PTPN4: variants seen among roughly 807,000 people sequenced by gnomAD.
PTPN4 encodes the protein protein tyrosine phosphatase non-receptor type 4.
PTPN4 carries 49 observed loss-of-function variants against 135.5 expected under a neutral mutation model. The observed-to-expected ratio is 0.36, with a 90% CI of 0.29 to 0.46. PTPN4 has a LOEUF of 0.46. PTPN4 is among the 20% of genes least tolerant of loss of function. PTPN4 has a pLI of 1.00. For synonymous variants in PTPN4, 333 were observed against 369.9 expected (o/e 0.90, Z 1.14); for missense variants, 860 against 1,101.0 (o/e 0.78, Z 3.10).
At chr2:119,876,940 T>TGTGTGTGTGC (rs1182103102) in intron 3 of PTPN4, among the ~76,000 whole-genome samples, 17 of 148,592 alleles carry the variant, frequency 1.1e-4, no homozygotes, top group South Asian at 4.2e-4. Context: ...TGTGTGTGTG[T>TGTGTGTGTGC]GCGTGAAGGG....
chr2:119,762,491 A>G (rs1468188130), intron 1 of PTPN4, among the ~76,000 whole-genome samples: 2 of 152,128 alleles, frequency 1.3e-5, no homozygotes, highest in African/African-American at 2.4e-5. Context: ...TACAAACTCT[A>G]AAAGCGGGAT....
rs1263545770 is a variant in PTPN4 at position 119,844,290 on chromosome 2, C to CA, written c.139-18245dup. ...TGGCCGGGCGGAGGGCTCACCCCCC[C>CA]ACCTCCCTCCCGGACGGGGCGGCTG... is the stretch of plus-strand genomic sequence containing the variant. On this transcript the variant is annotated intron_variant, in intron 2 of 26. Coordinates refer to ENST00000263708, the MANE Select transcript of PTPN4 (RefSeq NM_002830.4). 6.4e-5 allele frequency among the ~76,000 whole-genome samples: 9 copies of CA among 140,456 alleles called. 1 individual carries two copies. The highest frequency in any genetic ancestry group is 1.3e-4 in the African/African-American group (5 of 37,782). 92.1% of individuals were successfully genotyped at this position (140,456 alleles called of 152,430 possible).
intron 1 of PTPN4, among the ~76,000 whole-genome samples, chr2:119,765,356 GTTTT>G (rs766237675): frequency 1.3e-5 from 2 of 152,158 alleles, no homozygotes; most frequent in Non-Finnish European, 2.9e-5. Flanking sequence ...TTGTTAAGCG[GTTTT>G]TTGTTTATTT....
chr2:119,933,544 G>T (rs910507578), intron 14 of PTPN4, among the ~76,000 whole-genome samples: 1 of 151,642 alleles, frequency 6.6e-6, no homozygotes, highest in Non-Finnish European at 1.5e-5. Context: ...GCTGAGCATG[G>T]TGGCGTGCAC....
At chr2:119,799,409 C>A (rs1574340223) in intron 1 of PTPN4, among the ~76,000 whole-genome samples, 1 of 152,112 alleles carries the variant, frequency 6.6e-6, no homozygotes, top group East Asian at 1.9e-4. Flanking sequence ...TTAATGATAA[C>A]CCTTGTTAAG....
intron 2 of PTPN4, among the ~76,000 whole-genome samples, chr2:119,826,045 C>G (rs1677141628): frequency 6.6e-6 from 1 of 152,086 alleles, no homozygotes; most frequent in Non-Finnish European, 1.5e-5. Context: ...GCTTTTCCAC[C>G]TCAATTTTAT....
intron 10 of PTPN4, among the ~76,000 whole-genome samples, chr2:119,904,334 C>T (rs1232165176): frequency 6.6e-6 from 1 of 151,822 alleles, no homozygotes; most frequent in Non-Finnish European, 1.5e-5. Flanking sequence ...TTTCTGAACC[C>T]GAAGACAGGT....
chr2:119,785,260 A>G (rs116778480), intron 1 of PTPN4, among the ~76,000 whole-genome samples: 2,566 of 152,312 alleles, frequency 0.017, 42 homozygotes, highest in Non-Finnish European at 0.027. Context: ...AGATATTGAT[A>G]TGGACCAGCC....
At chr2:119,931,599 A>C (rs1678908465) in intron 13 of PTPN4, among the ~76,000 whole-genome samples, 1 of 151,412 alleles carries the variant, frequency 6.6e-6, no homozygotes, top group African/African-American at 2.4e-5. Flanking sequence ...ACTTGCCATC[A>C]TACCCAGCTA....
At chr2:119,891,131 C>T (rs1474958167) in intron 9 of PTPN4, among the ~76,000 whole-genome samples, 1 of 152,078 alleles carries the variant, frequency 6.6e-6, no homozygotes, top group African/African-American at 2.4e-5. Context: ...CCTTATCTTG[C>T]CTCAAATTTC....
intron 10 of PTPN4, among the ~76,000 whole-genome samples, chr2:119,902,314 A>T (rs1678417288): frequency 6.6e-6 from 1 of 152,240 alleles, no homozygotes; most frequent in Non-Finnish European, 1.5e-5. Context: ...CCAACCTGGA[A>T]GTCTGTAGCA....
chr2:119,833,719 C>T (rs952595237), intron 2 of PTPN4, among the ~76,000 whole-genome samples: 4 of 152,046 alleles, frequency 2.6e-5, no homozygotes, highest in Non-Finnish European at 4.4e-5. Flanking sequence ...CTTTGGGGTT[C>T]TGTAAACAGT....
intron 1 of PTPN4, among the ~76,000 whole-genome samples, chr2:119,795,647 G>T (rs1235494977): frequency 6.6e-6 from 1 of 152,224 alleles, no homozygotes; most frequent in Non-Finnish European, 1.5e-5. Context: ...TGAGGGCAAG[G>T]GGGGGCCTTC....
chr2:119,976,848 A>G, intron 26 of PTPN4, 136 bp from the exon 27 acceptor site: 2 of 1,434,110 alleles, frequency 1.4e-6, no homozygotes, highest in Non-Finnish European at 1.8e-6. Context: ...GTTAGTGAAA[A>G]ATGGTATCTT....
rs1172571461 is a variant in PTPN4 at position 119,845,435 on chromosome 2, T to A, written c.139-17101T>A. On this transcript the variant is annotated intron_variant, in intron 2 of 26. Coordinates refer to ENST00000263708, the MANE Select transcript of PTPN4 (RefSeq NM_002830.4). Reference sequence around the variant, plus strand: ...AGGTATATTTAAAATTTTTATTTCTTCTTGAGTTAATACGTGTAGTTTGAG... The same window carrying A: ...AGGTATATTTAAAATTTTTATTTCTACTTGAGTTAATACGTGTAGTTTGAG... Among the ~76,000 whole-genome samples, 3 of 152,302 alleles carry A rather than the reference T, an allele frequency of 2.0e-5. No homozygotes were observed. In the East Asian group the frequency reaches 5.8e-4, roughly 29 times the overall value.
chr2:119,850,588 C>T (rs776631360), intron 2 of PTPN4, among the ~76,000 whole-genome samples: 2 of 152,184 alleles, frequency 1.3e-5, no homozygotes, highest in Non-Finnish European at 2.9e-5. Flanking sequence ...CATATTTTCC[C>T]AGAGTGGAAC....
chr2:119,820,893 A>G (rs1677057087), intron 2 of PTPN4, among the ~76,000 whole-genome samples: 1 of 144,438 alleles, frequency 6.9e-6, no homozygotes, highest in Non-Finnish European at 1.5e-5. Flanking sequence ...ATGTGTGTGT[A>G]TGTAAAGCTG....
intron 2 of PTPN4, among the ~76,000 whole-genome samples, chr2:119,850,182 G>A (rs1052655509): frequency 5.9e-5 from 9 of 152,182 alleles, no homozygotes; most frequent in African/African-American, 1.7e-4. Flanking sequence ...CTGTTCTTGT[G>A]GCCTGTCTCC....
intron 2 of PTPN4, among the ~76,000 whole-genome samples, chr2:119,827,206 C>T (rs1257949170): frequency 6.6e-6 from 1 of 152,114 alleles, no homozygotes; most frequent in Non-Finnish European, 1.5e-5. Context: ...ATACTAATCA[C>T]ACAATGGATA....
Sources: gnomAD v4.1 joint callset for allele counts (sites outside exome capture counted in the v4.1 genomes callset) on GRCh38, gnomAD v4.1.1 for gene constraint, MANE v1.5 for transcripts, NCBI Gene and HGNC (gene_info 2026-07-23, HGNC 2026-07-21) for gene names.